MGRN1: variants seen among roughly 807,000 people sequenced by gnomAD.
The protein encoded by MGRN1 is mahogunin ring finger 1.
Under a neutral mutation model 69.2 loss-of-function variants are expected in MGRN1, and 29 were observed. The ratio of observed to expected loss-of-function variants is 0.42; its 90% CI spans 0.31 to 0.57. The LOEUF (loss-of-function observed/expected upper bound fraction) is 0.57. Among genes scored for constraint, MGRN1 ranks in the 20% least tolerant of loss-of-function variants. The pLI is 0.15. For synonymous variants in MGRN1, 470 were observed against 344.2 expected (o/e 1.37, Z -4.04); for missense variants, 998 against 796.2 (o/e 1.25, Z -3.05).
intron 1 of MGRN1, among the ~76,000 whole-genome samples, chr16:4,629,191 T>TGTGTGTGTGTGTGA (rs777024460): frequency 2.0e-5 from 3 of 148,916 alleles, no homozygotes; most frequent in African/African-American, 5.0e-5. Context: ...TGTGTGTGTG[T>TGTGTGTGTGTGTGA]GAAAAGTGTC....
chr16:4,657,395 G>T, intron 5 of MGRN1, 32 bp downstream of exon 5: 1 of 1,587,194 alleles, frequency 6.3e-7, no homozygotes, highest in South Asian at 1.1e-5. Context: ...CTTGCCCTTC[G>T]CTCCTCCTGA....
intron 1 of MGRN1, among the ~76,000 whole-genome samples, chr16:4,638,693 G>T (rs2078087219): frequency 6.6e-6 from 1 of 152,216 alleles, no homozygotes; most frequent in East Asian, 1.9e-4. Flanking sequence ...CCCACCTGGG[G>T]TTTATTGGCA....
intron 1 of MGRN1, among the ~76,000 whole-genome samples, chr16:4,648,354 G>A (rs1381700572): frequency 6.7e-5 from 9 of 133,520 alleles, no homozygotes; most frequent in Non-Finnish European, 1.1e-4. Context: ...GACTCTTCCC[G>A]TGGTCACCCG....
At chr16:4,684,005 A>G in intron 16 of MGRN1, 73 bp downstream of exon 16, 2 of 1,322,660 alleles carry the variant, frequency 1.5e-6, no homozygotes, top group Non-Finnish European at 2.1e-6. Flanking sequence ...CCCTGCTCTG[A>G]TGGTCGGTGC....
At chr16:4,661,323 C>T (rs562465755) in intron 5 of MGRN1, among the ~76,000 whole-genome samples, 8 of 152,208 alleles carry the variant, frequency 5.3e-5, no homozygotes, top group Non-Finnish European at 1.0e-4. Flanking sequence ...TTTCACAAAG[C>T]CGTGGCCCAG....
rs896088301 is a variant in MGRN1, at chr16:4,679,883, TTAGGACAGTCCCG to T, written c.1066-148_1066-136del. 4.0e-6 allele frequency: 3 copies of T among 744,796 alleles called. No homozygotes were observed. In the African/African-American group the frequency reaches 5.3e-5, roughly 13 times the overall value. 46.1% of individuals were successfully genotyped at this position (744,796 alleles called of 1,614,324 possible). A position where few individuals can be genotyped will look rare whatever the true frequency, so the allele number is the denominator to read the frequency against. On this transcript the variant is annotated intron_variant, in intron 11 of 16. Transcript: ENST00000262370. ...CACCCAGACCCGAGTCAACCCTCAC[TTAGGACAGTCCCG>T]AGATTCACGTCCCCCGGAAGCTTGT... is the stretch of plus-strand genomic sequence containing the variant.
intron 8 of MGRN1, among the ~76,000 whole-genome samples, chr16:4,669,706 AAT>A (rs750309137): frequency 6.6e-6 from 1 of 152,198 alleles, no homozygotes; most frequent in Non-Finnish European, 1.5e-5. Flanking sequence ...CAAATTGTCC[AAT>A]ATGTCAGTAT....
At position 4,690,533 on chromosome 16, in the gene MGRN1, C is replaced by G. The variant is rs977810118; in HGVS notation, c.*1625C>G. The G allele has an allele frequency of 7.9e-5, 12 of 152,564 alleles. No individual in the cohort carries two copies. The highest frequency in any genetic ancestry group is 2.7e-4 in the African/African-American group (11 of 41,440). 9.5% of individuals were successfully genotyped at this position (152,564 alleles called of 1,614,324 possible). On this transcript the variant is annotated 3_prime_UTR_variant, in exon 17 of 17. Coordinates refer to ENST00000262370, the MANE Select transcript of MGRN1 (RefSeq NM_015246.4). ...GCCAGCCACCCCTCCCGCTCGTGCA[C>G]AGGCACGCAGATGCGCTCACACGTA...
At chr16:4,683,994 G>T (rs2079249704) in intron 16 of MGRN1, 62 bp downstream of exon 16, 2 of 1,430,862 alleles carry the variant, frequency 1.4e-6, no homozygotes, top group Middle Eastern at 2.4e-4. Flanking sequence ...CAGGGAGGGG[G>T]CCCTGCTCTG....
intron 16 of MGRN1, chr16:4,686,492 C>A: frequency 7.2e-7 from 1 of 1,385,372 alleles, no homozygotes; most frequent in Non-Finnish European, 9.3e-7. Flanking sequence ...CAGAAAGTGG[C>A]CTCCTGGGGG....
chr16:4,688,056 C>T (rs566592008), intron 16 of MGRN1: 4 of 985,522 alleles, frequency 4.1e-6, no homozygotes, highest in Non-Finnish European at 3.6e-6. Flanking sequence ...CTCACAGCCT[C>T]GGAAACCTGC....
intron 16 of MGRN1, among the ~76,000 whole-genome samples, chr16:4,684,935 C>G (rs902391602): frequency 6.6e-6 from 1 of 152,220 alleles, no homozygotes; most frequent in African/African-American, 2.4e-5. Flanking sequence ...TGACCTGGGC[C>G]TGACATTGGG....
intron 1 of MGRN1, among the ~76,000 whole-genome samples, chr16:4,637,677 G>A (rs942847463): frequency 6.6e-6 from 1 of 152,178 alleles, no homozygotes; most frequent in African/African-American, 2.4e-5. Context: ...CAGCCTCAGC[G>A]CCATCCTGCA....
intron 1 of MGRN1, among the ~76,000 whole-genome samples, chr16:4,646,422 C>CAAAAA (rs530306184): frequency 7.1e-6 from 1 of 140,720 alleles, no homozygotes; most frequent in African/African-American, 2.6e-5. Context: ...GACCCTGTCT[C>CAAAAA]AAAAAAAAAA....
chr16:4,638,604 C>T (rs1463263402), intron 1 of MGRN1, among the ~76,000 whole-genome samples: 2 of 152,230 alleles, frequency 1.3e-5, no homozygotes, highest in Non-Finnish European at 2.9e-5. Context: ...CCAGAGCACT[C>T]GAAGGCTGTG....
intron 9 of MGRN1, among the ~76,000 whole-genome samples, chr16:4,671,739 G>T (rs560807525): frequency 6.6e-6 from 1 of 152,252 alleles, no homozygotes; most frequent in East Asian, 1.9e-4. Flanking sequence ...GCTCAGGTGT[G>T]TGGCACCCTG....
In MGRN1 at chr16:4,653,980, G is replaced by A. The variant is rs549896542; in HGVS notation, c.443+1156G>A. Among the ~76,000 whole-genome samples, 14 of 152,224 alleles carry A rather than the reference G, an allele frequency of 9.2e-5. No individual in the cohort carries two copies. In the East Asian group the frequency reaches 1.9e-3, roughly 21 times the overall value. Reference sequence around the variant, plus strand: ...TTGGTCAGGCTGGTCTCAATCGCTCGACCTCAGGTGATCCACCTGCCTCGG... The same window carrying A: ...TTGGTCAGGCTGGTCTCAATCGCTCAACCTCAGGTGATCCACCTGCCTCGG... On this transcript the variant is annotated intron_variant, in intron 4 of 16. Coordinates refer to ENST00000262370, the MANE Select transcript of MGRN1 (RefSeq NM_015246.4).
At chr16:4,648,959 C>T (rs1459169209) in intron 1 of MGRN1, 3 of 159,202 alleles carry the variant, frequency 1.9e-5, no homozygotes, top group South Asian at 3.0e-4. Context: ...GGGCTGTGTG[C>T]CAGGAGAAAT....
intron 1 of MGRN1, among the ~76,000 whole-genome samples, chr16:4,629,627 T>A (rs2450389): frequency 0.17 from 25,036 of 151,476 alleles, 2,209 homozygotes; most frequent in Middle Eastern, 0.28. Context: ...TAGTCCCAGC[T>A]GCTCAGGAGG....
Sources: allele counts gnomAD v4.1 joint callset (sites outside exome capture counted in the v4.1 genomes callset), GRCh38; gene constraint gnomAD v4.1.1; transcripts MANE v1.5; gene names NCBI Gene and HGNC (gene_info 2026-07-23, HGNC 2026-07-21).